LRP5: variants seen among roughly 807,000 people sequenced by gnomAD.
LRP5 encodes the protein LDL receptor related protein 5, also known as low-density lipoprotein receptor-related protein 5.
LRP5 carries 62 observed loss-of-function variants against 154.1 expected under a neutral mutation model. That is an observed-to-expected ratio of 0.40 (90% CI 0.33 to 0.50). The LOEUF (loss-of-function observed/expected upper bound fraction) is 0.50, where lower values mean the gene tolerates loss of function less well. Ranked by LOEUF, LRP5 falls within the 20% of genes least tolerant of loss-of-function variation. The probability of loss-of-function intolerance (pLI) is 0.55; values close to 1 mark genes in which losing one functional copy is unlikely to be tolerated. For missense variants in LRP5, 1,915 were observed against 2,336.7 expected (o/e 0.82, Z 3.72); for synonymous variants, 966 against 1,011.5 (o/e 0.96, Z 0.85).
chr11:68,428,563 C>T (rs1040014054), intron 16 of LRP5, among the ~76,000 whole-genome samples: 1 of 151,884 alleles, frequency 6.6e-6, no homozygotes, highest in Non-Finnish European at 1.5e-5. Context: ...TGTCCATCTC[C>T]TTTGTGTCTG....
intron 5 of LRP5, among the ~76,000 whole-genome samples, chr11:68,369,825 C>T (rs1256186946): frequency 6.6e-6 from 1 of 152,108 alleles, no homozygotes; most frequent in Non-Finnish European, 1.5e-5. Flanking sequence ...TTGGAGACCC[C>T]CAAATAACTT....
At chr11:68,302,127 C>T in the LRP5 span, among the ~76,000 whole-genome samples, 6 of 151,022 alleles carry the variant, frequency 4.0e-5, no homozygotes, top group Admixed American at 2.0e-4. Context: ...GAGGCCAAGG[C>T]GGGCAGATCA....
chr11:68,418,445 G>A (rs764086162), intron 13 of LRP5, among the ~76,000 whole-genome samples: 1 of 151,940 alleles, frequency 6.6e-6, no homozygotes, highest in South Asian at 2.1e-4. Context: ...TTTCTCCACC[G>A]AGTGTTGGTG....
chr11:68,370,372 GC>G (rs1489542547), intron 5 of LRP5, among the ~76,000 whole-genome samples: 2 of 152,044 alleles, frequency 1.3e-5, no homozygotes, highest in African/African-American at 2.4e-5. Context: ...GGGGGGACAG[GC>G]CCTGTGGTGA....
In LRP5 at chr11:68,386,955, G is replaced by A. The variant is rs1050432143; in HGVS notation, c.1412+243G>A. ...TCCGGTGCTGCTGCTGGGTCCATGC[G>A]TAGAAAGCCCTGGAGACCTGGAGGG... On this transcript the variant is annotated intron_variant, in intron 6 of 22. Transcript: ENST00000294304. This position sits in a 1 kb window ranked among gnomAD's most constrained non-coding sequence, Gnocchi z 7.9. Among the ~76,000 whole-genome samples the A allele has an allele frequency of 1.3e-5, 2 of 152,160 alleles. No homozygotes were observed. The highest frequency in any genetic ancestry group is 2.9e-5 in the Non-Finnish European group (2 of 68,038).
At chr11:68,317,304 G>A (rs2098593968) in intron 1 of LRP5, among the ~76,000 whole-genome samples, 1 of 152,258 alleles carries the variant, frequency 6.6e-6, no homozygotes, top group Non-Finnish European at 1.5e-5. Flanking sequence ...TGGTGTCTGG[G>A]GTGAGGGAGC....
At chr11:68,372,859 G>C (rs2098635053) in intron 5 of LRP5, among the ~76,000 whole-genome samples, 1 of 152,234 alleles carries the variant, frequency 6.6e-6, no homozygotes, top group African/African-American at 2.4e-5. Context: ...GGGGTGTGCT[G>C]GGCGCTTCAG....
chr11:68,412,326 G>A (rs2098660065), intron 11 of LRP5, among the ~76,000 whole-genome samples: 1 of 152,156 alleles, frequency 6.6e-6, no homozygotes, highest in African/African-American at 2.4e-5. Context: ...GCCAAGTTGG[G>A]AGACTAGAAG....
chr11:68,435,207 G>A (rs11228238), intron 18 of LRP5, among the ~76,000 whole-genome samples: 11 of 152,326 alleles, frequency 7.2e-5, no homozygotes, highest in Admixed American at 1.3e-4. Context: ...GCCCTGCTGC[G>A]CATCCTGGCC....
chr11:68,346,329 C>G (rs976376646), intron 1 of LRP5, among the ~76,000 whole-genome samples: 1 of 152,246 alleles, frequency 6.6e-6, no homozygotes, highest in African/African-American at 2.4e-5. Context: ...CTCAGGTCCT[C>G]TGTGTGTCCT....
rs532610232 is a variant in LRP5 at position 68,384,149 on chromosome 11, C to T, written c.1016-2167C>T. Among the ~76,000 whole-genome samples, 6 of 152,286 alleles carry T rather than the reference C, an allele frequency of 3.9e-5. No individual in the cohort carries two copies. The South Asian group carries it at 1.2e-3, about 32-fold the overall frequency. On this transcript the variant is annotated intron_variant, in intron 5 of 22. Transcript: ENST00000294304. ...AGTGGAGGAATCAGATTATGCACTC[C>T]GGGGCTTGGAGCAGGAGTCAGGAGG... is the stretch of plus-strand genomic sequence containing the variant.
chr11:68,445,739 T>C lies in LRP5; in HGVS notation c.4489-697T>C. ...CAGGGCCCCTGGTCCCTTCCTCCCT[T>C]TGTAGGGCTGGTTGTGTGCTGCCTG... On this transcript the variant is annotated intron_variant, in intron 21 of 22. Transcript: ENST00000294304. The C allele has an allele frequency of 3.5e-6, 4 of 1,128,134 alleles. No individual in the cohort carries two copies. In the Middle Eastern group the frequency reaches 8.9e-4, roughly 252 times the overall value. The allele number at this position is 1,128,134 out of a possible 1,614,324, so 69.9% of individuals were successfully genotyped here. A position where few individuals can be genotyped will look rare whatever the true frequency, so the allele number is the denominator to read the frequency against.
intron 8 of LRP5, chr11:68,403,983 C>T: frequency 3.8e-6 from 2 of 530,964 alleles, no homozygotes; most frequent in Non-Finnish European, 3.4e-6. Flanking sequence ...GCCTTCGTGC[C>T]CACAGTGACC....
At chr11:68,376,076 C>T (rs1410374728) in intron 5 of LRP5, among the ~76,000 whole-genome samples, 1 of 151,342 alleles carries the variant, frequency 6.6e-6, no homozygotes, top group Non-Finnish European at 1.5e-5. Context: ...AGTAACGTTT[C>T]TTGGGGGCCA....
intron 7 of LRP5, among the ~76,000 whole-genome samples, chr11:68,397,422 C>T (rs1220917631): frequency 6.6e-6 from 1 of 152,226 alleles, no homozygotes; most frequent in Admixed American, 6.5e-5. Context: ...GCCCAGCCCT[C>T]TCCCGAACCC....
At chr11:68,324,048 C>CGGCA (rs2098598268) in intron 1 of LRP5, among the ~76,000 whole-genome samples, 1 of 152,250 alleles carries the variant, frequency 6.6e-6, no homozygotes, top group South Asian at 2.1e-4. Flanking sequence ...GACTCCTGAC[C>CGGCA]TGCCATGCAG....
chr11:68,339,697 TC>T (rs2098607816), intron 1 of LRP5, among the ~76,000 whole-genome samples: 1 of 152,136 alleles, frequency 6.6e-6, no homozygotes, highest in Non-Finnish European at 1.5e-5. Context: ...CTCACCTCCG[TC>T]AGGTGGTGAA....
At chr11:68,398,547 A>G (rs558413498) in intron 7 of LRP5, among the ~76,000 whole-genome samples, 3 of 152,200 alleles carry the variant, frequency 2.0e-5, no homozygotes, top group African/African-American at 7.2e-5. Flanking sequence ...ACAGAACTAG[A>G]GCAGGAGTCG....
chr11:68,444,662 T>C (rs1362861950), intron 21 of LRP5, among the ~76,000 whole-genome samples: 9 of 147,726 alleles, frequency 6.1e-5, no homozygotes, highest in African/African-American at 2.3e-4. Context: ...GCCGAGGCGC[T>C]GCACTGGTGG....
Sources: gnomAD v4.1 joint callset for allele counts (sites outside exome capture counted in the v4.1 genomes callset) on GRCh38, gnomAD v4.1.1 for gene constraint, Gnocchi (gnomAD v3.1) non-coding constraint, MANE v1.5 for transcripts, NCBI Gene and HGNC (gene_info 2026-07-23, HGNC 2026-07-21) for gene names.